The following SLC24A3 variants were observed in gnomAD, a reference collection of about 807,000 sequenced individuals.
The protein encoded by SLC24A3 is solute carrier family 24 member 3, also known as sodium/potassium/calcium exchanger 3.
Under a neutral mutation model 75.8 loss-of-function variants are expected in SLC24A3, and 28 were observed. That is an observed-to-expected ratio of 0.37 (90% CI 0.27 to 0.51). The LOEUF (loss-of-function observed/expected upper bound fraction) is 0.51, where lower values mean the gene tolerates loss of function less well. Among genes scored for constraint, SLC24A3 ranks in the 20% least tolerant of loss-of-function variants. SLC24A3 has a pLI of 0.94. For synonymous variants in SLC24A3, 372 were observed against 334.1 expected, an observed-to-expected ratio of 1.11 and a Z score of -1.24; for missense variants, 663 against 847.8, an observed-to-expected ratio of 0.78 and a Z score of 2.71.
chr20:19,656,008 T>G (rs1337364274), intron 7 of SLC24A3, among the ~76,000 whole-genome samples: 1 of 152,158 alleles, frequency 6.6e-6, no homozygotes, highest in Non-Finnish European at 1.5e-5. Flanking sequence ...CTCTCTAGGT[T>G]TCAGTTTTCT....
At chr20:19,535,798 C>G (rs755584332) in intron 3 of SLC24A3, among the ~76,000 whole-genome samples, 50 of 152,202 alleles carry the variant, frequency 3.3e-4, no homozygotes, top group Middle Eastern at 3.4e-3. Flanking sequence ...GATGCTATAA[C>G]ATAACATCAC....
At chr20:19,425,731 TC>T (rs1277169524) in intron 2 of SLC24A3, among the ~76,000 whole-genome samples, 1 of 152,134 alleles carries the variant, frequency 6.6e-6, no homozygotes, top group Non-Finnish European at 1.5e-5. Flanking sequence ...GAAGAGAAAC[TC>T]CCACCACACA....
chr20:19,682,771 A>G lies in SLC24A3; in HGVS notation c.901+780A>G, dbSNP rs566123751. 4.6e-5 allele frequency among the ~76,000 whole-genome samples: 7 copies of G among 152,290 alleles called. No individual in the cohort carries two copies. In the South Asian group the frequency reaches 1.4e-3, roughly 32 times the overall value. The stretch of plus-strand genomic sequence containing the variant: ...CCAAATTCACTTTAAGGCTACATTA[A>G]CTCAGTTTCCAAGCTGCAAACAGAA... On this transcript the variant is annotated intron_variant, in intron 10 of 16. Coordinates refer to ENST00000328041, the MANE Select transcript of SLC24A3 (RefSeq NM_020689.4).
chr20:19,430,053 A>C (rs1015494430), intron 2 of SLC24A3, among the ~76,000 whole-genome samples: 4 of 152,170 alleles, frequency 2.6e-5, no homozygotes, highest in African/African-American at 9.7e-5. Flanking sequence ...CTGAGTCCCA[A>C]GGGGGAGAGG....
intron 2 of SLC24A3, among the ~76,000 whole-genome samples, chr20:19,443,410 CT>C (rs1267109589): frequency 6.6e-6 from 1 of 151,862 alleles, no homozygotes; most frequent in African/African-American, 2.4e-5. Flanking sequence ...TAGATTTATA[CT>C]TAATTTTTTG....
At chr20:19,650,414 A>G (rs545842228) in intron 6 of SLC24A3, among the ~76,000 whole-genome samples, 3 of 152,296 alleles carry the variant, frequency 2.0e-5, no homozygotes, top group East Asian at 3.9e-4. Flanking sequence ...TAAAGACGCA[A>G]CCCACTCTAG....
chr20:19,479,356 C>T (rs16980662), intron 2 of SLC24A3, among the ~76,000 whole-genome samples: 2,230 of 152,308 alleles, frequency 0.015, 64 homozygotes, highest in African/African-American at 0.051. Context: ...TCTGTATTTA[C>T]GAGTGAAACT....
chr20:19,556,211 G>T (rs2030781611), intron 3 of SLC24A3, among the ~76,000 whole-genome samples: 1 of 152,066 alleles, frequency 6.6e-6, no homozygotes, highest in African/African-American at 2.4e-5. Flanking sequence ...ATAAATTTGG[G>T]GGGGACATAC....
chr20:19,279,149 T>G (rs73124869), intron 1 of SLC24A3, among the ~76,000 whole-genome samples: 4,660 of 152,360 alleles, frequency 0.031, 114 homozygotes, highest in Non-Finnish European at 0.047. Flanking sequence ...ACTGAATCAC[T>G]GTGGAAGTAG....
At chr20:19,510,318 A>G (rs1480766668) in intron 2 of SLC24A3, among the ~76,000 whole-genome samples, 2 of 152,252 alleles carry the variant, frequency 1.3e-5, no homozygotes, top group East Asian at 3.8e-4. Flanking sequence ...GCAAGTCTTA[A>G]TAACAGTTTA....
At chr20:19,621,507 G>A (rs749240559) in intron 6 of SLC24A3, among the ~76,000 whole-genome samples, 4 of 152,036 alleles carry the variant, frequency 2.6e-5, no homozygotes, top group Non-Finnish European at 4.4e-5. Flanking sequence ...TCATCCCCTC[G>A]GGAATTTCCA....
At chr20:19,356,693 T>A (rs1985689923) in intron 2 of SLC24A3, among the ~76,000 whole-genome samples, 1 of 152,176 alleles carries the variant, frequency 6.6e-6, no homozygotes. Context: ...ATCAGTGGAA[T>A]GGCTGGGGAA....
intron 1 of SLC24A3, among the ~76,000 whole-genome samples, chr20:19,216,481 A>T (rs1336346879): frequency 2.0e-5 from 3 of 152,078 alleles, no homozygotes; most frequent in Admixed American, 6.6e-5. Context: ...GTGGTGGTGC[A>T]TTCCTGTAAT....
At chr20:19,254,618 C>G (rs1346506653) in intron 1 of SLC24A3, among the ~76,000 whole-genome samples, 4 of 152,154 alleles carry the variant, frequency 2.6e-5, no homozygotes, top group African/African-American at 4.8e-5. Context: ...AGGAAGAAAA[C>G]TTTTTTTGTC....
chr20:19,526,788 C>T (rs1385026599), intron 3 of SLC24A3, among the ~76,000 whole-genome samples: 1 of 152,140 alleles, frequency 6.6e-6, no homozygotes, highest in African/African-American at 2.4e-5. Context: ...TTCCTTCTGT[C>T]TATCTTGATT....
rs577650477 is a variant in SLC24A3 at position 19,709,031 on chromosome 20, GGAA to G, written c.1720-8492_1720-8490del. Among the ~76,000 whole-genome samples the G allele has an allele frequency of 4.2e-3, 641 of 152,254 alleles. 7 individuals carry two copies. Among genetic ancestry groups the G allele is most frequent in the African/African-American group, 0.014 (599 of 41,556 alleles). On this transcript the variant is annotated intron_variant, in intron 15 of 16. Coordinates refer to ENST00000328041, the MANE Select transcript of SLC24A3 (RefSeq NM_020689.4). ...AGGGGGAGCAGTATGAGAGTGGAGA[GGAA>G]GAAGGAGGGAAGGCAGCCCACAGCG... is the stretch of plus-strand genomic sequence containing the variant.
intron 7 of SLC24A3, among the ~76,000 whole-genome samples, chr20:19,662,759 A>C (rs1342018191): frequency 2.0e-5 from 3 of 152,262 alleles, no homozygotes; most frequent in Non-Finnish European, 4.4e-5. Flanking sequence ...ACGTGTCTTA[A>C]ATGTATTGAA....
At chr20:19,510,584 T>C (rs1364399432) in intron 2 of SLC24A3, among the ~76,000 whole-genome samples, 1 of 152,206 alleles carries the variant, frequency 6.6e-6, no homozygotes, top group Non-Finnish European at 1.5e-5. Context: ...AGATGGGACC[T>C]TTGGGAGGTA....
chr20:19,529,274 G>A (rs6075524), intron 3 of SLC24A3, among the ~76,000 whole-genome samples: 18,670 of 152,052 alleles, frequency 0.12, 1,298 homozygotes, highest in East Asian at 0.18. Context: ...GAGTCTGAAC[G>A]TAGTTTGAAA....
Sources: allele counts gnomAD v4.1 joint callset (sites outside exome capture counted in the v4.1 genomes callset), GRCh38; gene constraint gnomAD v4.1.1; transcripts MANE v1.5; gene names NCBI Gene and HGNC (gene_info 2026-07-23, HGNC 2026-07-21).